Variants in RASGRP3 observed in about 807,000 individuals in gnomAD.
The protein encoded by RASGRP3 is RAS guanyl releasing protein 3, also known as ras guanyl-releasing protein 3.
In RASGRP3, 54 loss-of-function variants were observed where a neutral mutation model predicts 82.7. The observed-to-expected ratio is 0.65, with a 90% CI of 0.52 to 0.82. RASGRP3 has a LOEUF of 0.82. Among genes scored for constraint, RASGRP3 ranks in the 40% least tolerant of loss-of-function variants. RASGRP3 has a pLI of 0.00. For missense variants in RASGRP3, 861 were observed against 828.9 expected (o/e 1.04, Z -0.48); for synonymous variants, 309 against 300.5 (o/e 1.03, Z -0.29).
At position 33,545,809 on chromosome 2, in the gene RASGRP3, TA is replaced by T. The variant is rs879879859; in HGVS notation, c.1394+2183del. Among the ~76,000 whole-genome samples, 305 of 152,144 alleles carry T rather than the reference TA, an allele frequency of 2.0e-3. 1 individual carries two copies. The highest frequency in any genetic ancestry group is 3.9e-3 in the Non-Finnish European group (264 of 67,986). ...TCAGAATGGCTATTATTATTATTAT[TA>T]TTACTTTTCTTTGAGACAGAGTCTC... is the stretch of plus-strand genomic sequence containing the variant. On this transcript the variant is annotated intron_variant, in intron 13 of 17. Transcript: ENST00000403687.
intron 1 of RASGRP3, among the ~76,000 whole-genome samples, chr2:33,501,834 A>G (rs186168570): frequency 3.3e-5 from 5 of 152,334 alleles, no homozygotes; most frequent in African/African-American, 4.8e-5. Context: ...AAACCAGGGA[A>G]GAGATGTTGC....
intron 17 of RASGRP3, chr2:33,559,702 A>G: frequency 2.0e-6 from 1 of 503,738 alleles, no homozygotes; most frequent in Non-Finnish European, 4.0e-6. Context: ...AATTGGCATG[A>G]TATTCCTAAC....
chr2:33,536,493 G>A (rs1420019890), intron 11 of RASGRP3, among the ~76,000 whole-genome samples: 2 of 151,730 alleles, frequency 1.3e-5, no homozygotes, highest in African/African-American at 4.8e-5. Flanking sequence ...GACAACTTAG[G>A]AATAGCCATT....
At chr2:33,550,614 G>A (rs527983584) in intron 14 of RASGRP3, among the ~76,000 whole-genome samples, 5 of 152,274 alleles carry the variant, frequency 3.3e-5, no homozygotes, top group African/African-American at 1.2e-4. Context: ...TCCAGGTGAG[G>A]GAGGCCCAGC....
chr2:33,449,553 A>G (rs1665676955), intron 2 of RASGRP3, among the ~76,000 whole-genome samples: 1 of 152,166 alleles, frequency 6.6e-6, no homozygotes, highest in Non-Finnish European at 1.5e-5. Flanking sequence ...TGAGGTCAGG[A>G]GATTGAGACC....
intron 7 of RASGRP3, among the ~76,000 whole-genome samples, chr2:33,523,132 G>A (rs142166851): frequency 0.014 from 2,121 of 151,880 alleles, 57 homozygotes; most frequent in African/African-American, 0.049. Context: ...ATTGTATACC[G>A]TTATATCTTT....
intron 2 of RASGRP3, among the ~76,000 whole-genome samples, chr2:33,466,298 A>C (rs1159697815): frequency 6.6e-6 from 1 of 152,216 alleles, no homozygotes; most frequent in African/African-American, 2.4e-5. Flanking sequence ...TTCGTGATTC[A>C]TGGGAGGAGG....
At chr2:33,468,955 G>T (rs1666883960) in intron 2 of RASGRP3, among the ~76,000 whole-genome samples, 1 of 152,094 alleles carries the variant, frequency 6.6e-6, no homozygotes, top group Non-Finnish European at 1.5e-5. Flanking sequence ...CTCCTATGTT[G>T]TACGATTTAT....
At chr2:33,453,660 C>G (rs997813570) in intron 2 of RASGRP3, among the ~76,000 whole-genome samples, 2 of 152,114 alleles carry the variant, frequency 1.3e-5, no homozygotes, top group Non-Finnish European at 2.9e-5. Flanking sequence ...TTTCATGTAT[C>G]CTATTGGTCA....
intron 2 of RASGRP3, among the ~76,000 whole-genome samples, chr2:33,451,750 G>T (rs1665810729): frequency 6.6e-6 from 1 of 151,928 alleles, no homozygotes; most frequent in East Asian, 1.9e-4. Flanking sequence ...AGATCTGGAT[G>T]CTCATTTGCC....
At chr2:33,444,234 A>G (rs867897772) in intron 1 of RASGRP3, among the ~76,000 whole-genome samples, 6 of 152,186 alleles carry the variant, frequency 3.9e-5, no homozygotes, top group Middle Eastern at 6.8e-3. Flanking sequence ...TGAGCCCAGT[A>G]TTTCGAGGAT....
chr2:33,454,093 G>C (rs1665926811), intron 2 of RASGRP3, among the ~76,000 whole-genome samples: 1 of 151,134 alleles, frequency 6.6e-6, no homozygotes, highest in African/African-American at 2.4e-5. Context: ...AGAGAGGAGT[G>C]AGTCAATTCT....
chr2:33,489,159 C>T (rs977322149), intron 1 of RASGRP3, among the ~76,000 whole-genome samples: 6 of 152,122 alleles, frequency 3.9e-5, no homozygotes, highest in East Asian at 1.9e-4. Flanking sequence ...AAAATGCTCA[C>T]GACAGCCCTG....
Position 33,520,002 on chromosome 2 carries a change from G to A in RASGRP3, c.224G>A (p.Cys75Tyr). ...TGCAATGAATTTCGATTAAAGATCTGCTACTTCATGAGGTAAATATATTTA... is the reference window on the plus strand; with the variant it reads ...TGCAATGAATTTCGATTAAAGATCTACTACTTCATGAGGTAAATATATTTA... ...ESCNEFRLKI[C>Y]YFMRYWILKF... is the part of the protein sequence containing the mutation. The change falls in exon 5 of 18, where the codon TGC becomes TAC. Residue 75 changes from cysteine to tyrosine, a missense_variant. Coordinates refer to ENST00000403687, the MANE Select transcript of RASGRP3 (RefSeq NM_001139488.2). 1 of 1,605,790 alleles carries A rather than the reference G, an allele frequency of 6.2e-7. No individual in the cohort carries two copies. The highest frequency in any genetic ancestry group is 8.5e-7 in the Non-Finnish European group (1 of 1,175,160).
At chr2:33,552,742 A>G (rs1675492953) in intron 14 of RASGRP3, among the ~76,000 whole-genome samples, 1 of 151,260 alleles carries the variant, frequency 6.6e-6, no homozygotes, top group South Asian at 2.1e-4. Context: ...AGTGTTAGTA[A>G]TTCCCTTATT....
Position 33,516,597 on chromosome 2 carries a change from C to T in RASGRP3, c.126C>T (p.His42=). ...SYLPRIVLLM[H]RWYLSSTELA... Reference sequence around the variant, plus strand: ...TGCCAAGAATAGTTCTACTGATGCACCGATGGTATTTATCTTCCACTGAAT... The same window carrying T: ...TGCCAAGAATAGTTCTACTGATGCATCGATGGTATTTATCTTCCACTGAAT... Residue 42 remains histidine (H), a synonymous_variant, in exon 4 of 18, where the codon CAC becomes CAT. Coordinates refer to ENST00000403687, the MANE Select transcript of RASGRP3 (RefSeq NM_001139488.2). The T allele has an allele frequency of 1.3e-6, 2 of 1,594,636 alleles. No individual in the cohort carries two copies. Among genetic ancestry groups the T allele is most frequent in the South Asian group, 1.1e-5 (1 of 88,450 alleles).
chr2:33,493,547 C>T (rs1389334487), intron 1 of RASGRP3, among the ~76,000 whole-genome samples: 1 of 152,022 alleles, frequency 6.6e-6, no homozygotes, highest in African/African-American at 2.4e-5. Flanking sequence ...AGTGTCAGGA[C>T]CCAAGTGTTG....
chr2:33,484,718 A>C (rs753520400), intron 1 of RASGRP3, among the ~76,000 whole-genome samples: 4 of 152,178 alleles, frequency 2.6e-5, no homozygotes, highest in Non-Finnish European at 5.9e-5. Flanking sequence ...AATAACGCTT[A>C]TTTTCACATC....
At chr2:33,436,900 G>A (rs553707233) in intron 1 of RASGRP3, among the ~76,000 whole-genome samples, 2 of 152,110 alleles carry the variant, frequency 1.3e-5, no homozygotes, top group East Asian at 3.9e-4. Context: ...ATATATTTTT[G>A]ATATTTGTCT....
Sources: allele counts gnomAD v4.1 joint callset (sites outside exome capture counted in the v4.1 genomes callset), GRCh38; gene constraint gnomAD v4.1.1; transcripts MANE v1.5; gene names NCBI Gene and HGNC (gene_info 2026-07-23, HGNC 2026-07-21).